Variants in XDH observed in about 807,000 individuals in gnomAD.
The protein encoded by XDH is xanthine dehydrogenase.
A neutral mutation model predicts 156.1 loss-of-function variants in XDH; 138 were observed. The ratio of observed to expected loss-of-function variants is 0.88; its 90% CI spans 0.77 to 1.02. The LOEUF (loss-of-function observed/expected upper bound fraction) is 1.02. XDH is among the 50% of genes least tolerant of loss of function. XDH has a pLI of 0.00. For synonymous variants in XDH, 669 were observed against 625.7 expected, an observed-to-expected ratio of 1.07 and a Z score of -1.03; for missense variants, 1,849 against 1,684.9, an observed-to-expected ratio of 1.10 and a Z score of -1.71.
intron 1 of XDH, among the ~76,000 whole-genome samples, chr2:31,406,228 C>A (rs987015336): frequency 6.6e-6 from 1 of 152,074 alleles, no homozygotes; most frequent in Non-Finnish European, 1.5e-5. Flanking sequence ...TTAGTTGTCA[C>A]GAGATATTTA....
chr2:31,392,112 T>C (rs923283563), intron 6 of XDH, among the ~76,000 whole-genome samples: 3 of 152,210 alleles, frequency 2.0e-5, no homozygotes, highest in African/African-American at 4.8e-5. Context: ...TTAATATTCC[T>C]TCATTATCCA....
chr2:31,335,548 G>T lies in XDH; in HGVS notation c.*410C>A. ...TTGAAGGCCAGGCTTTCACAGGAAG[G>T]CACACGATTTAAAGTAACTTCGGTT... On this transcript the variant is annotated 3_prime_UTR_variant, in exon 36 of 36. Transcript: ENST00000379416. 3.4e-6 allele frequency: 1 copy of T among 290,534 alleles called. No individual in the cohort carries two copies. The highest frequency in any genetic ancestry group is 6.7e-6 in the Non-Finnish European group (1 of 150,098). 18.0% of individuals were successfully genotyped at this position (290,534 alleles called of 1,614,324 possible).
At chr2:31,336,317 G>A (rs1437781672) in intron 35 of XDH, among the ~76,000 whole-genome samples, 1 of 152,236 alleles carries the variant, frequency 6.6e-6, no homozygotes, top group African/African-American at 2.4e-5. Context: ...AGCTGCTCAT[G>A]CAAATCCATG....
At chr2:31,375,153 G>A (rs188447052) in intron 15 of XDH, among the ~76,000 whole-genome samples, 9 of 150,346 alleles carry the variant, frequency 6.0e-5, no homozygotes, top group East Asian at 2.0e-4. Context: ...AGCTTCCCAC[G>A]TAGCTGAGAT....
chr2:31,353,472 G>A (rs1229889539), intron 24 of XDH, among the ~76,000 whole-genome samples: 2 of 152,010 alleles, frequency 1.3e-5, no homozygotes, highest in Admixed American at 1.3e-4. Flanking sequence ...CAACAACAAT[G>A]TAAGAATACT....
At chr2:31,337,843 G>A (rs1252623869) in intron 34 of XDH, 26 bp from the exon 35 acceptor site, 5 of 1,611,222 alleles carry the variant, frequency 3.1e-6, no homozygotes, top group Non-Finnish European at 4.2e-6. Flanking sequence ...GCACAGGGCA[G>A]GGGCTCAGGC....
Position 31,335,228 on chromosome 2 carries a change from A to G in XDH, c.*730T>C, listed in dbSNP as rs1684942582. 6.6e-6 allele frequency: 1 copy of G among 151,902 alleles called. No homozygotes were observed. Among genetic ancestry groups the G allele is most frequent in the East Asian group, 2.0e-4 (1 of 5,118 alleles). 9.4% of individuals were successfully genotyped at this position (151,902 alleles called of 1,614,324 possible). On this transcript the variant is annotated 3_prime_UTR_variant, in exon 36 of 36. Coordinates refer to ENST00000379416, the MANE Select transcript of XDH (RefSeq NM_000379.4). ...GGCTTCAAATGTAAAGATTAAACAT[A>G]ATCTTTTTTGTAAATACTCAAAGAG...
At chr2:31,370,536 ACCTGGTTGGACAAC>A in intron 17 of XDH, 58 bp from the exon 18 acceptor site, 1 of 1,605,394 alleles carries the variant, frequency 6.2e-7, no homozygotes, top group Non-Finnish European at 8.5e-7. Context: ...GGGACCCATC[ACCTGGTTGGACAAC>A]CCTGTTCTTA....
chr2:31,382,959 G>A (rs780220640), intron 11 of XDH, 42 bp downstream of exon 11: 48 of 1,613,380 alleles, frequency 3.0e-5, no homozygotes, highest in Non-Finnish European at 3.9e-5. Context: ...TCAGATGAAA[G>A]CTCCATCCTA....
At position 31,366,998 on chromosome 2, in the gene XDH, G is replaced by C. The variant is rs1209461729; in HGVS notation, c.2198-4C>G. The C allele has an allele frequency of 8.7e-6, 14 of 1,614,048 alleles. No individual in the cohort carries two copies. The highest frequency in any genetic ancestry group is 1.7e-5 in the Admixed American group (1 of 60,004). ...TGGCCACCGATGTATATCTCCCCTG[G>C]GGAAGCAGTGAGATCCCTCACAGTG... On this transcript the variant is annotated splice_polypyrimidine_tract_variant and splice_region_variant and intron_variant, in intron 20 of 35. Transcript: ENST00000379416.
At chr2:31,410,651 A>C (rs1052144483) in intron 1 of XDH, among the ~76,000 whole-genome samples, 6 of 152,212 alleles carry the variant, frequency 3.9e-5, no homozygotes, top group African/African-American at 1.4e-4. Flanking sequence ...TGAGAAAAAC[A>C]CATTACTTCT....
In XDH at chr2:31,401,203, C is replaced by T. The variant is rs1244714793; in HGVS notation, c.306+17G>A. ...AGAGCCTGATCTCAAGAGCACAGCT[C>T]CCTTTCCTCTGTTTACCTGCACAGG... On this transcript the variant is annotated intron_variant, in intron 4 of 35. Coordinates refer to ENST00000379416, the MANE Select transcript of XDH (RefSeq NM_000379.4). 1 of 1,613,648 alleles carries T rather than the reference C, an allele frequency of 6.2e-7. No homozygotes were observed.
intron 18 of XDH, 44 bp downstream of exon 18, chr2:31,370,311 A>G (rs1447832400): frequency 1.9e-6 from 3 of 1,607,842 alleles, no homozygotes; most frequent in Middle Eastern, 1.7e-4. Flanking sequence ...TTAAAACTTC[A>G]ATACTTATTC....
At chr2:31,411,244 G>A (rs1687334179) in intron 1 of XDH, among the ~76,000 whole-genome samples, 1 of 147,534 alleles carries the variant, frequency 6.8e-6, no homozygotes, top group Non-Finnish European at 1.5e-5. Flanking sequence ...TCGCGCCACT[G>A]CACTCCAGCC....
rs765777817 is a variant in XDH at position 31,365,540 on chromosome 2, C to T, written c.2461G>A (p.Gly821Ser). The change falls in exon 23 of 36, where the codon GGC becomes AGC. Residue 821 changes from glycine to serine, a missense_variant. Coordinates refer to ENST00000379416, the MANE Select transcript of XDH (RefSeq NM_000379.4). The stretch of plus-strand genomic sequence containing the variant: ...TCCAGCATGCATCGCACAGGGCGGC[C>T]GGTCCTGGGGGTTACCGACAGTGTT... The part of the protein sequence containing the change: ...TAVALAAYKT[G>S]RPVRCMLDRD... 1.3e-5 allele frequency: 21 copies of T among 1,613,996 alleles called. No individual in the cohort carries two copies. Among genetic ancestry groups the T allele is most frequent in the East Asian group, 2.2e-5 (1 of 44,884 alleles).
At chr2:31,375,713 C>T (rs1450332510) in intron 14 of XDH, among the ~76,000 whole-genome samples, 159 bp from the exon 15 acceptor site, 1 of 152,188 alleles carries the variant, frequency 6.6e-6, no homozygotes, top group Non-Finnish European at 1.5e-5. Flanking sequence ...TAATTAATCT[C>T]ATTGAGCCTG....
At chr2:31,360,488 G>A (rs577985462) in intron 24 of XDH, among the ~76,000 whole-genome samples, 3 of 152,220 alleles carry the variant, frequency 2.0e-5, no homozygotes, top group African/African-American at 7.2e-5. Flanking sequence ...GTGACAGAGT[G>A]AGACTCCATC....
At chr2:31,378,488 G>T (rs570783872) in intron 13 of XDH, among the ~76,000 whole-genome samples, 2 of 152,238 alleles carry the variant, frequency 1.3e-5, no homozygotes, top group African/African-American at 4.8e-5. Context: ...CCACAGTTGA[G>T]GCCCCCAAAT....
intron 1 of XDH, among the ~76,000 whole-genome samples, chr2:31,412,953 C>A (rs761646534): frequency 6.6e-6 from 1 of 152,116 alleles, no homozygotes; most frequent in Non-Finnish European, 1.5e-5. Context: ...GTGATGGTAC[C>A]ATCGAAAAAT....
Sources: allele counts gnomAD v4.1 joint callset (sites outside exome capture counted in the v4.1 genomes callset), GRCh38; gene constraint gnomAD v4.1.1; transcripts MANE v1.5; gene names NCBI Gene and HGNC (gene_info 2026-07-23, HGNC 2026-07-21).